The following RPP30 variants were observed in gnomAD, a reference collection of about 807,000 sequenced individuals.
RPP30 encodes the protein ribonuclease P/MRP subunit p30.
RPP30 carries 36 observed loss-of-function variants against 38.6 expected under a neutral mutation model. That is an observed-to-expected ratio of 0.93 (90% CI 0.71 to 1.23). The LOEUF (loss-of-function observed/expected upper bound fraction) is 1.23. Ranked by LOEUF, RPP30 falls within the 50% of genes most tolerant of loss-of-function variation. The probability of loss-of-function intolerance (pLI) is 0.00; values close to 1 mark genes in which losing one functional copy is unlikely to be tolerated. For missense variants in RPP30, 321 were observed against 321.7 expected (o/e 1.00, Z 0.02); for synonymous variants, 126 against 112.7 (o/e 1.12, Z -0.75).
intron 6 of RPP30, among the ~76,000 whole-genome samples, chr10:90,888,800 A>C (rs1366639098): frequency 1.3e-5 from 2 of 152,184 alleles, no homozygotes; most frequent in Admixed American, 6.5e-5. Context: ...TCAATTTAAG[A>C]ATTCTGAAAA....
intron 10 of RPP30, among the ~76,000 whole-genome samples, chr10:90,900,297 A>G (rs1179827542): frequency 1.3e-5 from 2 of 152,246 alleles, no homozygotes. Context: ...GGTTCTGGCT[A>G]CATAAGATGC....
intron 5 of RPP30, among the ~76,000 whole-genome samples, chr10:90,881,545 T>A (rs1208395670): frequency 6.6e-6 from 1 of 152,222 alleles, no homozygotes; most frequent in Non-Finnish European, 1.5e-5. Flanking sequence ...AAAAGTTAAA[T>A]GAGAACGCAG....
chr10:90,877,599 C>T (rs946011853), intron 4 of RPP30, among the ~76,000 whole-genome samples: 13 of 151,384 alleles, frequency 8.6e-5, no homozygotes, highest in Non-Finnish European at 1.9e-4. Flanking sequence ...GTCAGTATAC[C>T]TGTGTGGTCA....
Position 90,879,079 on chromosome 10 carries a change from G to C in RPP30, c.287G>C (p.Arg96Thr), listed in dbSNP as rs770376071. ...HCNVLRATSS[R>T]ARLYDVVAVF... is the part of the protein sequence containing the mutation. ...TATTCCTAGAGAGCAACTTCTTCAA[G>C]GGCCCGGCTCTATGATGTTGTTGCA... Residue 96 changes from arginine (R) to threonine (T), a missense_variant, in exon 5 of 11, where the codon AGG becomes ACG. Physicochemically the swap from Arg to Thr is moderately conservative, Grantham distance 71. Transcript: ENST00000371703. 2 of 1,613,878 alleles carry C rather than the reference G, an allele frequency of 1.2e-6. No individual in the cohort carries two copies. The highest frequency in any genetic ancestry group is 1.7e-6 in the Non-Finnish European group (2 of 1,179,932).
chr10:90,899,490 C>G (rs1847177909), intron 10 of RPP30, among the ~76,000 whole-genome samples: 1 of 152,162 alleles, frequency 6.6e-6, no homozygotes, highest in African/African-American at 2.4e-5. Flanking sequence ...GTATCTCTCT[C>G]TTTCTCCATA....
downstream of RPP30, among the ~76,000 whole-genome samples, chr10:90,905,079 G>A (rs969020842): frequency 1.2e-4 from 18 of 152,084 alleles, no homozygotes; most frequent in African/African-American, 4.3e-4. Flanking sequence ...AGAAAACAAA[G>A]TTTGATTGAT....
At chr10:90,877,320 TGTGGCCTTCAGAAGA>T (rs1239043239) in intron 4 of RPP30, among the ~76,000 whole-genome samples, 1 of 150,746 alleles carries the variant, frequency 6.6e-6, no homozygotes, top group Non-Finnish European at 1.5e-5. Flanking sequence ...AAAAAAAAGA[TGTGGCCTTCAGAAGA>T]GTGATCCCAA....
At chr10:90,899,594 T>A (rs965610347) in intron 10 of RPP30, among the ~76,000 whole-genome samples, 8 of 152,120 alleles carry the variant, frequency 5.3e-5, no homozygotes, top group African/African-American at 1.9e-4. Flanking sequence ...TTTCTCCTAA[T>A]TTTTTTGTAT....
intron 5 of RPP30, among the ~76,000 whole-genome samples, chr10:90,881,284 A>G (rs1846924528): frequency 1.3e-5 from 2 of 152,236 alleles, no homozygotes; most frequent in South Asian, 4.1e-4. Context: ...TCATTCTATA[A>G]TGGAGAAAAC....
At chr10:90,892,573 A>G (rs547631589) in intron 6 of RPP30, among the ~76,000 whole-genome samples, 23 of 152,240 alleles carry the variant, frequency 1.5e-4, no homozygotes, top group South Asian at 8.3e-4. Flanking sequence ...TCAATTAGGA[A>G]TATTTCGAGA....
chr10:90,899,661 T>C (rs992692765), intron 10 of RPP30, among the ~76,000 whole-genome samples: 15 of 152,348 alleles, frequency 9.8e-5, no homozygotes, highest in Admixed American at 2.6e-4. Flanking sequence ...GTTCTTCTTA[T>C]CTTTCTCTCC....
At chr10:90,884,083 T>G (rs4144423) in intron 5 of RPP30, among the ~76,000 whole-genome samples, 31,582 of 152,082 alleles carry the variant, frequency 0.21, 4,120 homozygotes, top group African/African-American at 0.36. Context: ...TATTCCATCA[T>G]ATAAAGGGAT....
chr10:90,887,009 C>T (rs1363783915), intron 6 of RPP30, among the ~76,000 whole-genome samples: 3 of 151,998 alleles, frequency 2.0e-5, no homozygotes, highest in African/African-American at 7.3e-5. Flanking sequence ...ACTCTATTGC[C>T]CAAGCTAGAG....
downstream of RPP30, among the ~76,000 whole-genome samples, chr10:90,903,625 A>C (rs915529241): frequency 6.6e-6 from 1 of 152,220 alleles, no homozygotes. Context: ...ATGGCTGATC[A>C]CCAGTGAATA....
At chr10:90,903,221 A>T (rs757179114), downstream of RPP30, 1 of 1,608,834 alleles carries the variant, frequency 6.2e-7, no homozygotes, top group Non-Finnish European at 8.5e-7. Context: ...ACAACTTTTG[A>T]TCTCTCATCA....
chr10:90,885,590 G>T (rs1846989320), intron 5 of RPP30, among the ~76,000 whole-genome samples: 1 of 152,194 alleles, frequency 6.6e-6, no homozygotes, highest in African/African-American at 2.4e-5. Context: ...GAGAAAGTCT[G>T]TGGACATATT....
At position 90,893,545 on chromosome 10, in the gene RPP30, C is replaced by T. The variant is rs906154356; in HGVS notation, c.433-1230C>T. Among the ~76,000 whole-genome samples the T allele has an allele frequency of 1.1e-4, 16 of 152,328 alleles. No homozygotes were observed. The South Asian group carries it at 1.2e-3, about 12-fold the overall frequency. The stretch of plus-strand genomic sequence containing the variant: ...TGTTTTCTCCATTAGGAATAATCCT[C>T]ATCACCAGCTCTAAAGGCCTGCACA... On this transcript the variant is annotated intron_variant, in intron 6 of 10. Coordinates refer to ENST00000371703, the MANE Select transcript of RPP30 (RefSeq NM_006413.5).
chr10:90,897,639 A>G (rs964338828), intron 10 of RPP30, among the ~76,000 whole-genome samples: 1 of 152,238 alleles, frequency 6.6e-6, no homozygotes, highest in Non-Finnish European at 1.5e-5. Flanking sequence ...TTTGAGTAAC[A>G]GTTGGGGTTC....
downstream of RPP30, among the ~76,000 whole-genome samples, chr10:90,903,752 G>A (rs574193821): frequency 6.6e-6 from 1 of 152,290 alleles, no homozygotes; most frequent in Admixed American, 6.5e-5. Context: ...GTGGCCAATT[G>A]TATAAATACA....
Sources: gnomAD v4.1 joint callset for allele counts (sites outside exome capture counted in the v4.1 genomes callset) on GRCh38, gnomAD v4.1.1 for gene constraint, MANE v1.5 for transcripts, NCBI Gene and HGNC (gene_info 2026-07-23, HGNC 2026-07-21) for gene names.